FBN2: variants seen among roughly 807,000 people sequenced by gnomAD.
FBN2 encodes fibrillin-2.
A neutral mutation model predicts 355.6 loss-of-function variants in FBN2; 105 were observed. That is an observed-to-expected ratio of 0.30 (90% CI 0.25 to 0.35). The LOEUF is 0.35. Ranked by LOEUF, FBN2 falls within the 10% of genes least tolerant of loss-of-function variation. FBN2 has a pLI of 1.00. For missense variants in FBN2, 3,280 were observed against 3,758.7 expected (o/e 0.87, Z 3.33); for synonymous variants, 1,350 against 1,301.2 (o/e 1.04, Z -0.81).
intron 8 of FBN2, among the ~76,000 whole-genome samples, chr5:128,407,348 T>C (rs750206171): frequency 3.3e-5 from 5 of 152,196 alleles, no homozygotes; most frequent in African/African-American, 4.8e-5. Flanking sequence ...GACATATTTA[T>C]ATAGGTCCAG....
chr5:128,368,845 T>TG (rs1751855059), intron 16 of FBN2, among the ~76,000 whole-genome samples: 1 of 144,968 alleles, frequency 6.9e-6, no homozygotes, highest in African/African-American at 2.5e-5. Context: ...TAATTAAGAT[T>TG]TTTTTTTTTT....
intron 6 of FBN2, among the ~76,000 whole-genome samples, chr5:128,459,881 G>A (rs748241138): frequency 1.3e-5 from 2 of 152,160 alleles, no homozygotes; most frequent in African/African-American, 4.8e-5. Context: ...AAAGCTGGAA[G>A]CATTCCCTTT....
At chr5:128,456,602 G>A (rs190200612) in intron 6 of FBN2, among the ~76,000 whole-genome samples, 23 of 152,166 alleles carry the variant, frequency 1.5e-4, no homozygotes, top group Admixed American at 9.8e-4. Flanking sequence ...CCATCTCTGC[G>A]GCTCTCTAGT....
rs1213558546 is a variant in FBN2 at position 128,537,377 on chromosome 5, C to T, written c.227G>A (p.Arg76Gln). Reference sequence around the variant, plus strand: ...TCGGAGCACGTCCTGCTGTCCTCGCCGGCGGACGCGGCTGGCCACTGCGGC... The same window carrying T: ...TCGGAGCACGTCCTGCTGTCCTCGCTGGCGGACGCGGCTGGCCACTGCGGC... ...EGAAVASRVR[R>Q]RGQQDVLRGP... The change falls in exon 1 of 65, where the codon CGG (arginine) becomes CAG (glutamine). Residue 76 changes from arginine (R) to glutamine (Q), a missense_variant. By Grantham distance (43) the Arg-to-Gln change is conservative. Coordinates refer to ENST00000262464, the MANE Select transcript of FBN2 (RefSeq NM_001999.4). 2 of 1,610,514 alleles carry T rather than the reference C, an allele frequency of 1.2e-6. No individual in the cohort carries two copies. The highest frequency in any genetic ancestry group is 1.7e-6 in the Non-Finnish European group (2 of 1,179,740).
At chr5:128,385,283 C>A (rs149370872) in intron 11 of FBN2, among the ~76,000 whole-genome samples, 78 of 152,198 alleles carry the variant, frequency 5.1e-4, no homozygotes, top group African/African-American at 1.8e-3. Context: ...GTTTAGCTAC[C>A]ACTTACAAAT....
intron 11 of FBN2, among the ~76,000 whole-genome samples, chr5:128,382,028 G>A (rs572410068): frequency 6.6e-6 from 1 of 151,742 alleles, no homozygotes; most frequent in Non-Finnish European, 1.5e-5. Flanking sequence ...CTCTATACCT[G>A]GCCTCTCATC....
chr5:128,471,733 A>G (rs1754865849), intron 5 of FBN2, among the ~76,000 whole-genome samples: 1 of 152,176 alleles, frequency 6.6e-6, no homozygotes, highest in Non-Finnish European at 1.5e-5. Context: ...TAACTTATTT[A>G]GAGTTATGAT....
intron 62 of FBN2, among the ~76,000 whole-genome samples, chr5:128,264,935 A>G (rs1040365977): frequency 3.9e-5 from 6 of 152,222 alleles, no homozygotes; most frequent in Non-Finnish European, 5.9e-5. Context: ...AAGGGTAGAT[A>G]TTATTAGGAA....
intron 20 of FBN2, among the ~76,000 whole-genome samples, chr5:128,356,452 A>G (rs1751506659): frequency 6.6e-6 from 1 of 152,264 alleles, no homozygotes; most frequent in African/African-American, 2.4e-5. Flanking sequence ...AAAAACTGCC[A>G]GTTAATTTGG....
intron 5 of FBN2, among the ~76,000 whole-genome samples, chr5:128,491,228 T>C (rs994197313): frequency 6.6e-6 from 1 of 152,222 alleles, no homozygotes; most frequent in Non-Finnish European, 1.5e-5. Context: ...AACTGGCTTT[T>C]AAAAGCTTGA....
intron 5 of FBN2, among the ~76,000 whole-genome samples, chr5:128,512,320 T>C (rs1012583703): frequency 2.6e-5 from 4 of 152,078 alleles, no homozygotes; most frequent in Non-Finnish European, 5.9e-5. Context: ...GAGACCAGCC[T>C]GGCCAACGTG....
chr5:128,293,427 G>A (rs1252381863), intron 48 of FBN2, among the ~76,000 whole-genome samples: 2 of 152,046 alleles, frequency 1.3e-5, no homozygotes, highest in Non-Finnish European at 2.9e-5. Flanking sequence ...AGGAGGTGGG[G>A]GTTGCAGTGA....
intron 50 of FBN2, 114 bp downstream of exon 50, chr5:128,290,618 G>T: frequency 9.3e-7 from 1 of 1,079,412 alleles, no homozygotes; most frequent in Non-Finnish European, 1.4e-6. Flanking sequence ...AAACTTATAT[G>T]CAAGGAGATG....
intron 51 of FBN2, among the ~76,000 whole-genome samples, chr5:128,289,464 T>C (rs188927674): frequency 4.5e-4 from 68 of 152,156 alleles, no homozygotes; most frequent in Admixed American, 7.2e-4. Flanking sequence ...GGCGCACACC[T>C]GTAGTCCCAG....
At chr5:128,523,458 C>A (rs929992682) in intron 4 of FBN2, among the ~76,000 whole-genome samples, 1 of 152,070 alleles carries the variant, frequency 6.6e-6, no homozygotes, top group African/African-American at 2.4e-5. Context: ...TCTTCTTTAG[C>A]TACAACAACT....
chr5:128,442,564 T>A (rs1753950415), intron 7 of FBN2, among the ~76,000 whole-genome samples: 1 of 152,052 alleles, frequency 6.6e-6, no homozygotes, highest in Admixed American at 6.5e-5. Flanking sequence ...GAAGAAATGG[T>A]TTATTCCACC....
chr5:128,377,915 C>A (rs1184402637), intron 12 of FBN2, 38 bp from the exon 13 acceptor site: 1 of 1,573,408 alleles, frequency 6.4e-7, no homozygotes, highest in Non-Finnish European at 8.7e-7. Context: ...CATTCTTTTA[C>A]AATACTTATA....
chr5:128,398,904 G>A (rs534388756), intron 8 of FBN2, among the ~76,000 whole-genome samples: 9 of 152,278 alleles, frequency 5.9e-5, no homozygotes, highest in African/African-American at 1.7e-4. Context: ...CTGCCACCAC[G>A]TGAGTCGTGC....
At chr5:128,349,256 C>T in intron 23 of FBN2, 91 bp downstream of exon 23, 3 of 1,497,874 alleles carry the variant, frequency 2.0e-6, no homozygotes, top group Admixed American at 3.3e-5. Flanking sequence ...TTCTCAAGTA[C>T]AAACTCTTGT....
Sources: allele counts gnomAD v4.1 joint callset (sites outside exome capture counted in the v4.1 genomes callset), GRCh38; gene constraint gnomAD v4.1.1; transcripts MANE v1.5; gene names NCBI Gene and HGNC (gene_info 2026-07-23, HGNC 2026-07-21).